Variants in AK9 observed in about 807,000 individuals in gnomAD.
AK9 encodes adenylate kinase domain containing 1.
A neutral mutation model predicts 239.6 loss-of-function variants in AK9; 191 were observed. The ratio of observed to expected loss-of-function variants is 0.80; its 90% CI spans 0.71 to 0.90. The LOEUF (loss-of-function observed/expected upper bound fraction) is 0.90. AK9 is among the 40% of genes least tolerant of loss of function. The pLI, the probability that AK9 is intolerant of heterozygous loss-of-function variation, is 0.00. For missense variants in AK9, 1,995 were observed against 2,214.7 expected (o/e 0.90, Z 1.99); for synonymous variants, 689 against 721.0 (o/e 0.96, Z 0.71).
chr6:109,517,597 G>A (rs771478468), intron 29 of AK9, among the ~76,000 whole-genome samples: 5 of 152,114 alleles, frequency 3.3e-5, no homozygotes, highest in Non-Finnish European at 7.4e-5. Context: ...ATGCAAAGCC[G>A]TTAGAAAAAT....
rs187707992 is a variant in AK9, at chr6:109,542,976, G to C, written c.3226-805C>G. 2.7e-3 allele frequency among the ~76,000 whole-genome samples: 403 copies of C among 152,038 alleles called. 1 individual carries two copies. The highest frequency in any genetic ancestry group is 4.5e-3 in the Non-Finnish European group (304 of 67,976). The stretch of plus-strand genomic sequence containing the variant: ...AATTTATCACACACACGCCTATAAG[G>C]CTTAACTGATTTTTGTTATTTATAT... On this transcript the variant is annotated intron_variant, in intron 26 of 40. Transcript: ENST00000424296.
At chr6:109,600,514 A>C (rs539761509) in intron 17 of AK9, among the ~76,000 whole-genome samples, 1 of 152,284 alleles carries the variant, frequency 6.6e-6, no homozygotes, top group Non-Finnish European at 1.5e-5. Flanking sequence ...ATCGATGTTC[A>C]TCAGGGATAT....
chr6:109,499,463 C>CT (rs1217198358), intron 35 of AK9, among the ~76,000 whole-genome samples: 3 of 152,200 alleles, frequency 2.0e-5, no homozygotes, highest in Admixed American at 1.3e-4. Flanking sequence ...CTTTTTCAGT[C>CT]TTTTTTCTAT....
At chr6:109,677,337 G>A (rs1472241251) in intron 1 of AK9, among the ~76,000 whole-genome samples, 4 of 152,016 alleles carry the variant, frequency 2.6e-5, no homozygotes, top group Non-Finnish European at 2.9e-5. Context: ...ACTCATAATT[G>A]CACAAATCTA....
chr6:109,644,709 A>G, intron 8 of AK9, 21 bp from the exon 9 acceptor site: 1 of 1,582,342 alleles, frequency 6.3e-7, no homozygotes, highest in Non-Finnish European at 8.6e-7. Flanking sequence ...TAGAAAAGAA[A>G]CTTTATAATA....
intron 17 of AK9, among the ~76,000 whole-genome samples, chr6:109,589,405 A>T (rs1021721508): frequency 1.3e-5 from 2 of 152,054 alleles, no homozygotes; most frequent in Non-Finnish European, 2.9e-5. Context: ...AGAAATGGCA[A>T]TTTTTGTATG....
At chr6:109,629,272 A>G (rs919270110) in intron 12 of AK9, among the ~76,000 whole-genome samples, 3 of 152,104 alleles carry the variant, frequency 2.0e-5, no homozygotes, top group Non-Finnish European at 2.9e-5. Context: ...TGGGAAATTT[A>G]TAATGCATTA....
chr6:109,529,258 T>G (rs1308115213), intron 28 of AK9, among the ~76,000 whole-genome samples, 185 bp from the exon 29 acceptor site: 2 of 152,188 alleles, frequency 1.3e-5, no homozygotes, highest in African/African-American at 4.8e-5. Context: ...CTGAACCTCT[T>G]GATCAGCTAT....
At chr6:109,617,152 A>G (rs1262447937) in intron 13 of AK9, among the ~76,000 whole-genome samples, 2 of 152,120 alleles carry the variant, frequency 1.3e-5, no homozygotes, top group Non-Finnish European at 2.9e-5. Context: ...AAACTAGACT[A>G]AAAAATGGAG....
chr6:109,549,968 T>C (rs1001314937), intron 25 of AK9, 122 bp downstream of exon 25: 3 of 1,110,968 alleles, frequency 2.7e-6, no homozygotes, highest in African/African-American at 1.6e-5. Context: ...CCGGCCTAGA[T>C]ATTTTCTTTA....
intron 32 of AK9, among the ~76,000 whole-genome samples, chr6:109,512,774 CTA>C (rs1415105910): frequency 1.3e-5 from 2 of 152,182 alleles, no homozygotes; most frequent in African/African-American, 4.8e-5. Flanking sequence ...AAGTTTTGGA[CTA>C]TTTACCTTAA....
chr6:109,495,944 T>C (rs1387924030), intron 38 of AK9, among the ~76,000 whole-genome samples: 1 of 151,770 alleles, frequency 6.6e-6, no homozygotes, highest in Admixed American at 6.6e-5. Context: ...GGGTCCTTCC[T>C]GTGCATATGC....
chr6:109,656,889 A>G lies in AK9; in HGVS notation c.631-5T>C. On this transcript the variant is annotated splice_polypyrimidine_tract_variant and splice_region_variant and intron_variant, in intron 7 of 40. Transcript: ENST00000424296. ...CTGCATTTCGGCAATAAATGCCTAA[A>G]TGGAAAAGAAGAGATTTCAAATATC... 6.2e-7 allele frequency: 1 copy of G among 1,612,170 alleles called. No homozygotes were observed. The highest frequency in any genetic ancestry group is 8.5e-7 in the Non-Finnish European group (1 of 1,178,962).
chr6:109,571,379 A>T (rs1390392104), intron 21 of AK9, among the ~76,000 whole-genome samples: 1 of 152,206 alleles, frequency 6.6e-6, no homozygotes, highest in Non-Finnish European at 1.5e-5. Context: ...TAATTTCCAT[A>T]TAGTTATTGT....
intron 35 of AK9, among the ~76,000 whole-genome samples, chr6:109,505,165 C>T (rs1168542639): frequency 1.3e-5 from 2 of 152,192 alleles, no homozygotes; most frequent in Non-Finnish European, 2.9e-5. Context: ...ACTGGTTATG[C>T]CCACATGGTG....
At chr6:109,524,391 G>GA (rs1263707768) in intron 29 of AK9, among the ~76,000 whole-genome samples, 2 of 151,958 alleles carry the variant, frequency 1.3e-5, no homozygotes, top group African/African-American at 2.4e-5. Context: ...AAATGAGGCA[G>GA]AAAAAATGTC....
intron 5 of AK9, among the ~76,000 whole-genome samples, chr6:109,663,467 A>G (rs1800726352): frequency 6.6e-6 from 1 of 152,234 alleles, no homozygotes; most frequent in South Asian, 2.1e-4. Context: ...TGTCACTGCA[A>G]GGACAAAAAC....
At chr6:109,675,582 A>T (rs748534494) in intron 2 of AK9, 47 bp downstream of exon 2, 4 of 1,206,178 alleles carry the variant, frequency 3.3e-6, no homozygotes, top group South Asian at 1.8e-5. Flanking sequence ...GAAAATTGTG[A>T]TTTTAAAAAT....
At chr6:109,619,621 C>T (rs1429544543) in intron 12 of AK9, among the ~76,000 whole-genome samples, 1 of 151,626 alleles carries the variant, frequency 6.6e-6, no homozygotes, top group East Asian at 1.9e-4. Context: ...CACAAATATA[C>T]ATATATATAT....
Sources: allele counts gnomAD v4.1 joint callset (sites outside exome capture counted in the v4.1 genomes callset), GRCh38; gene constraint gnomAD v4.1.1; transcripts MANE v1.5; gene names NCBI Gene and HGNC (gene_info 2026-07-23, HGNC 2026-07-21).